The following CYP2F1 variants were observed in gnomAD, a reference collection of about 807,000 sequenced individuals.
CYP2F1 encodes the protein cytochrome P450 family 2 subfamily F member 1.
CYP2F1 carries 33 observed loss-of-function variants against 40.4 expected under a neutral mutation model. The observed-to-expected ratio is 0.82, with a 90% CI of 0.62 to 1.09. The LOEUF (loss-of-function observed/expected upper bound fraction) is 1.09, where lower values mean the gene tolerates loss of function less well. Among genes scored for constraint, CYP2F1 ranks in the 50% least tolerant of loss-of-function variants. CYP2F1 has a pLI of 0.00. For missense variants in CYP2F1, 566 were observed against 655.7 expected, an observed-to-expected ratio of 0.86 and a Z score of 1.49; for synonymous variants, 235 against 277.2, an observed-to-expected ratio of 0.85 and a Z score of 1.51.
At position 41,124,108 on chromosome 19, in the gene CYP2F1, A is replaced by G. The variant is rs144366992; in HGVS notation, c.965-611A>G. The stretch of plus-strand genomic sequence containing the variant: ...GCCCCAAAACTGCTCCTGAAATCCC[A>G]TCAGGTCCTGGATTCCAGGCCTCCC... On this transcript the variant is annotated intron_variant, in intron 7 of 9. Transcript: ENST00000331105. Among the ~76,000 whole-genome samples, 1,492 of 151,278 alleles carry G rather than the reference A, an allele frequency of 9.9e-3. 23 individuals carry two copies. The highest frequency in any genetic ancestry group is 0.03 in the African/African-American group (1,231 of 41,176).
Position 41,116,251 on chromosome 19 carries a change from C to G in CYP2F1, c.63C>G (p.Thr21=). 1 of 1,614,114 alleles carries G rather than the reference C, an allele frequency of 6.2e-7. No individual in the cohort carries two copies. The highest frequency in any genetic ancestry group is 8.5e-7 in the Non-Finnish European group (1 of 1,180,016). ...LLLALVCLLL[T]LSSRDKGKLP... Reference sequence around the variant, plus strand: ...TGGCTCTCGTCTGTCTGCTCCTGACCCTAAGCTCAAGAGATAAGGGAAAGC... The same window carrying G: ...TGGCTCTCGTCTGTCTGCTCCTGACGCTAAGCTCAAGAGATAAGGGAAAGC... Residue 21 remains threonine (T), a synonymous_variant, in exon 2 of 10, where the codon ACC becomes ACG. Transcript: ENST00000331105.
Position 41,122,131 on chromosome 19 carries a change from G to T in CYP2F1, c.820G>T (p.Glu274Ter), listed in dbSNP as rs748493830. 1.8e-5 allele frequency: 28 copies of T among 1,530,698 alleles called. 6 individuals carry two copies. The highest frequency in any genetic ancestry group is 2.2e-5 in the Non-Finnish European group (25 of 1,115,650). The allele number at this position is 1,530,698 out of a possible 1,614,324, so 94.8% of individuals were successfully genotyped here. ...CCAGTGCTTCCTCACCAAGATGGCA[G>T]AGGTAATCCCTACCTGGAAATCCCA... Reference protein sequence around the residue: ...FIQCFLTKMAEEKEDPLSHFH... With the variant: ...FIQCFLTKMA Residue 274 changes from glutamate (E) to a stop codon, truncating the protein, a stop_gained and splice_region_variant, in exon 6 of 10, where the codon GAG becomes TAG. Transcript: ENST00000331105. LOFTEE classifies it high-confidence loss of function.
At position 41,124,739 on chromosome 19, in the gene CYP2F1, G is replaced by C. The variant is rs775948155; in HGVS notation, c.985G>C (p.Asp329His). ...KVQARVQEEI[D>H]LVVGRARLPA... ...TCCAGCCCGCGTGCAGGAGGAGATCGACCTCGTGGTGGGACGCGCGCGGCT... is the reference window on the plus strand; with the variant it reads ...TCCAGCCCGCGTGCAGGAGGAGATCCACCTCGTGGTGGGACGCGCGCGGCT... Residue 329 changes from aspartate (D) to histidine (H), a missense_variant, in exon 8 of 10, where the codon GAC becomes CAC. Transcript: ENST00000331105. 1.1e-5 allele frequency: 18 copies of C among 1,603,992 alleles called. No homozygotes were observed. In the South Asian group the frequency reaches 1.4e-4, roughly 13 times the overall value.
chr19:41,122,700 T>C, intron 6 of CYP2F1, 122 bp from the exon 7 acceptor site: 3 of 1,021,806 alleles, frequency 2.9e-6, no homozygotes, highest in Non-Finnish European at 4.1e-6. Context: ...GTTCCCCAGC[T>C]CTCCCAGGGA....
At chr19:41,127,591 C>T (rs1207500787) in intron 9 of CYP2F1, among the ~76,000 whole-genome samples, 1 of 152,166 alleles carries the variant, frequency 6.6e-6, no homozygotes, top group Non-Finnish European at 1.5e-5. Flanking sequence ...CCCTCGGCCT[C>T]CGAAAATGCT....
Position 41,116,535 on chromosome 19 carries a change from G to A in CYP2F1, c.252G>A (p.Val84=). 1 of 1,614,068 alleles carries A rather than the reference G, an allele frequency of 6.2e-7. No individual in the cohort carries two copies. Among genetic ancestry groups the A allele is most frequent in the Non-Finnish European group, 8.5e-7 (1 of 1,179,986 alleles). Residue 84 remains valine (V), a synonymous_variant, in exon 3 of 10, where the codon GTG becomes GTA. Transcript: ENST00000331105. ...TGGTCCTCAGCGGGTACCAAGCTGT[G>A]AAGGAGGCCCTGGTGGACCAGGGAG... ...RVVVLSGYQA[V]KEALVDQGEE...
chr19:41,116,297 C>T lies in CYP2F1; in HGVS notation c.109C>T (p.Leu37Phe), dbSNP rs1326203017. 6.2e-7 allele frequency: 1 copy of T among 1,613,984 alleles called. No individual in the cohort carries two copies. The highest frequency in any genetic ancestry group is 1.7e-5 in the Admixed American group (1 of 59,994). ...AAAGCTGCCTCCGGGACCCAGACCC[C>T]TCTCAATCCTGGGAAACCTGCTGCT... is the stretch of plus-strand genomic sequence containing the variant. ...KGKLPPGPRP[L>F]SILGNLLLLC... is the part of the protein sequence containing the mutation. The change falls in exon 2 of 10, where the codon CTC becomes TTC. Residue 37 changes from leucine to phenylalanine, a missense_variant. Physicochemically the swap from Leu to Phe is conservative, Grantham distance 22 (BLOSUM62 0). Coordinates refer to ENST00000331105, the MANE Select transcript of CYP2F1 (RefSeq NM_000774.5).
intron 3 of CYP2F1, among the ~76,000 whole-genome samples, chr19:41,119,723 C>CTCTTTATATATATA (rs1478574507): frequency 5.6e-5 from 2 of 35,806 alleles, no homozygotes; most frequent in African/African-American, 2.0e-4. Flanking sequence ...CTCTCTCTCT[C>CTCTTTATATATATA]TATATATATA....
chr19:41,119,719 C>CTA (rs2032040998), intron 3 of CYP2F1, among the ~76,000 whole-genome samples: 3 of 38,124 alleles, frequency 7.9e-5, no homozygotes, highest in Non-Finnish European at 1.0e-4. Context: ...CTCTCTCTCT[C>CTA]TCTCTATATA....
intron 4 of CYP2F1, 37 bp downstream of exon 4, chr19:41,120,533 CTTTT>C: frequency 7.2e-7 from 1 of 1,396,952 alleles, no homozygotes; most frequent in Admixed American, 2.0e-5. Flanking sequence ...ATGGCACGAT[CTTTT>C]TTTTTTTTAA....
chr19:41,124,255 CTTTTTTTTTTTT>C (rs61661824), intron 7 of CYP2F1, among the ~76,000 whole-genome samples: 2 of 35,280 alleles, frequency 5.7e-5, no homozygotes, highest in Non-Finnish European at 9.7e-5. Context: ...TCCCCCCCCC[CTTTTTTTTTTTT>C]TTTTTTTTTT....
chr19:41,125,065 A>G (rs2032475412), intron 8 of CYP2F1, 159 bp downstream of exon 8: 3 of 644,022 alleles, frequency 4.7e-6, no homozygotes, highest in Non-Finnish European at 7.8e-6. Context: ...CCTTAAATCC[A>G]GAAGCTCAGG....
In CYP2F1 at chr19:41,121,378, A is replaced by G. The variant is rs73931411; in HGVS notation, c.485-80A>G. 9.8e-4 allele frequency: 1,372 copies of G among 1,398,860 alleles called. 62 individuals are homozygous for G. The East Asian group carries it at 0.019, about 19-fold the overall frequency. The allele number at this position is 1,398,860 out of a possible 1,614,324, so 86.7% of individuals were successfully genotyped here. A position where few individuals can be genotyped will look rare whatever the true frequency, so the allele number is the denominator to read the frequency against. On this transcript the variant is annotated intron_variant, in intron 4 of 9. Coordinates refer to ENST00000331105, the MANE Select transcript of CYP2F1 (RefSeq NM_000774.5). ...TTGCCATGGTTGAGTCGGATGTTGT[A>G]CAAATTAATGGTGTTGCTGCATGAG...
intron 7 of CYP2F1, 198 bp downstream of exon 7, chr19:41,123,161 G>C: frequency 1.4e-6 from 1 of 705,914 alleles, no homozygotes; most frequent in Non-Finnish European, 2.6e-6. Flanking sequence ...CCCGAATCCC[G>C]ACCCAGATCC....
Position 41,122,805 on chromosome 19 carries a change from C to G in CYP2F1, c.823-17C>G, listed in dbSNP as rs751660065. On this transcript the variant is annotated splice_polypyrimidine_tract_variant and intron_variant, in intron 6 of 9. Transcript: ENST00000331105. ...CCTCCATTCCTGGCTCACATCCCCA[C>G]CCCTCTACCAATGCAGGAGAAGGAG... 1.3e-6 allele frequency: 2 copies of G among 1,522,990 alleles called. No individual in the cohort carries two copies. Among genetic ancestry groups the G allele is most frequent in the Non-Finnish European group, 1.8e-6 (2 of 1,135,794 alleles). The allele number at this position is 1,522,990 out of a possible 1,614,324, so 94.3% of individuals were successfully genotyped here. A position where few individuals can be genotyped will look rare whatever the true frequency, so the allele number is the denominator to read the frequency against.
At position 41,123,082 on chromosome 19, in the gene CYP2F1, C is replaced by G. The variant is rs755708391; in HGVS notation, c.964+119C>G. ...TAGCCTCCTGCTGGCACCAGGATTC[C>G]ACAGCCAAACCCACAAACCCACACG... On this transcript the variant is annotated intron_variant, in intron 7 of 9. Coordinates refer to ENST00000331105, the MANE Select transcript of CYP2F1 (RefSeq NM_000774.5). 9.9e-6 allele frequency: 12 copies of G among 1,217,866 alleles called. No individual in the cohort carries two copies. In the East Asian group the frequency reaches 2.5e-4, roughly 26 times the overall value. 75.4% of individuals were successfully genotyped at this position (1,217,866 alleles called of 1,614,324 possible).
chr19:41,127,229 G>A (rs865865386), intron 9 of CYP2F1, among the ~76,000 whole-genome samples: 1 of 152,200 alleles, frequency 6.6e-6, no homozygotes, highest in Admixed American at 6.5e-5. Context: ...AATTAATTGC[G>A]ATGTAATGCT....
intron 1 of CYP2F1, 124 bp from the exon 2 acceptor site, chr19:41,116,054 C>T: frequency 1.2e-6 from 1 of 866,652 alleles, no homozygotes; most frequent in South Asian, 1.9e-5. Context: ...ATCCCCTGGC[C>T]TCTCCCTGTC....
intron 3 of CYP2F1, among the ~76,000 whole-genome samples, chr19:41,119,748 T>TACACACACACACACAC (rs147688839): frequency 2.8e-5 from 1 of 36,076 alleles, no homozygotes; most frequent in African/African-American, 1.1e-4. Flanking sequence ...TATATATATA[T>TACACACACACACACAC]ACACACACAC....
Sources: gnomAD v4.1 joint callset for allele counts (sites outside exome capture counted in the v4.1 genomes callset) on GRCh38, gnomAD v4.1.1 for gene constraint, MANE v1.5 for transcripts, NCBI Gene and HGNC (gene_info 2026-07-23, HGNC 2026-07-21) for gene names.